DPYD: variants seen among roughly 807,000 people sequenced by gnomAD.
The protein encoded by DPYD is dihydropyrimidine dehydrogenase.
A neutral mutation model predicts 116.2 loss-of-function variants in DPYD; 109 were observed. The ratio of observed to expected loss-of-function variants is 0.94; its 90% CI spans 0.80 to 1.10. The LOEUF (loss-of-function observed/expected upper bound fraction) is 1.10, where lower values mean the gene tolerates loss of function less well. DPYD is among the 50% of genes least tolerant of loss of function. The pLI, the probability that DPYD is intolerant of heterozygous loss-of-function variation, is 0.00. For synonymous variants in DPYD, 440 were observed against 432.0 expected (o/e 1.02, Z -0.23); for missense variants, 1,302 against 1,254.5 (o/e 1.04, Z -0.57).
intron 18 of DPYD, among the ~76,000 whole-genome samples, chr1:97,288,322 T>C (rs962796741): frequency 1.3e-5 from 2 of 150,914 alleles, no homozygotes; most frequent in African/African-American, 2.4e-5. Flanking sequence ...AACTCAGCTC[T>C]GCACCAAGGG....
intron 20 of DPYD, among the ~76,000 whole-genome samples, chr1:97,114,941 GA>G (rs1445156403): frequency 6.6e-6 from 1 of 152,170 alleles, no homozygotes; most frequent in East Asian, 1.9e-4. Flanking sequence ...GATGAACTGT[GA>G]GACTTATCCT....
intron 12 of DPYD, chr1:97,546,350 G>A (rs1650862309): frequency 2.8e-6 from 4 of 1,422,926 alleles, no homozygotes; most frequent in East Asian, 4.6e-5. Context: ...GGAGTTGTTG[G>A]GAATGAAGCT....
At chr1:97,754,759 A>C (rs1452540409) in intron 3 of DPYD, among the ~76,000 whole-genome samples, 1 of 152,216 alleles carries the variant, frequency 6.6e-6, no homozygotes, top group Non-Finnish European at 1.5e-5. Context: ...TCCTCAGATT[A>C]TGTACAGGTG....
intron 13 of DPYD, among the ~76,000 whole-genome samples, chr1:97,505,751 G>A (rs563235716): frequency 8.0e-4 from 122 of 151,938 alleles, no homozygotes; most frequent in African/African-American, 2.8e-3. Context: ...ATCTTGCCCA[G>A]ATACCTAAAA....
chr1:97,759,310 A>G (rs1273216895), intron 3 of DPYD, among the ~76,000 whole-genome samples: 1 of 152,092 alleles, frequency 6.6e-6, no homozygotes, highest in African/African-American at 2.4e-5. Context: ...CTCTTGTCCT[A>G]CTTCCCTTCA....
At chr1:97,778,630 A>G (rs566606033) in intron 3 of DPYD, among the ~76,000 whole-genome samples, 45 of 152,326 alleles carry the variant, frequency 3.0e-4, no homozygotes, top group Admixed American at 4.6e-4. Flanking sequence ...ATCTTAAAAC[A>G]TGTAAACTCA....
At chr1:97,449,543 C>T (rs1464187860) in intron 14 of DPYD, among the ~76,000 whole-genome samples, 1 of 151,710 alleles carries the variant, frequency 6.6e-6, no homozygotes, top group Non-Finnish European at 1.5e-5. Context: ...GATTTTACTG[C>T]AATATTTAGG....
chr1:97,556,914 C>T (rs1651765614), intron 11 of DPYD, among the ~76,000 whole-genome samples: 1 of 150,264 alleles, frequency 6.7e-6, no homozygotes, highest in Non-Finnish European at 1.5e-5. Context: ...AGTTCTAGAT[C>T]CCTGAGGAAT....
intron 2 of DPYD, among the ~76,000 whole-genome samples, chr1:97,846,070 G>A (rs1670286105): frequency 6.6e-6 from 1 of 152,204 alleles, no homozygotes; most frequent in Admixed American, 6.5e-5. Flanking sequence ...CAGACTGGTG[G>A]TGCGAGCCGA....
intron 14 of DPYD, among the ~76,000 whole-genome samples, chr1:97,428,419 T>A (rs7549538): frequency 0.81 from 123,402 of 151,864 alleles, 50,632 homozygotes; most frequent in Middle Eastern, 0.88. Flanking sequence ...AAGAATTTTT[T>A]AAAAATTTAG....
intron 3 of DPYD, among the ~76,000 whole-genome samples, chr1:97,814,662 T>C (rs185484857): frequency 6.6e-6 from 1 of 152,134 alleles, no homozygotes; most frequent in Non-Finnish European, 1.5e-5. Flanking sequence ...GACTTGTGGA[T>C]GAATTGGTTC....
chr1:97,867,803 G>T (rs1671461429), intron 2 of DPYD, among the ~76,000 whole-genome samples: 1 of 151,786 alleles, frequency 6.6e-6, no homozygotes, highest in African/African-American at 2.4e-5. Context: ...TTTCCTCTAA[G>T]ATCAGGAACG....
intron 20 of DPYD, among the ~76,000 whole-genome samples, chr1:97,107,190 T>C (rs1372033413): frequency 6.6e-6 from 1 of 152,116 alleles, no homozygotes; most frequent in African/African-American, 2.4e-5. Context: ...TCCACCTCTT[T>C]GTTGGTCATC....
rs1250713334 is a variant in DPYD at position 97,318,625 on chromosome 1, A to T, written c.2059-12328T>A. ...AAAGAGACTTAGACTCCCACACATT[A>T]ATAATGAGACACTTTAACACCCCAC... On this transcript the variant is annotated intron_variant, in intron 16 of 22. Transcript: ENST00000370192. 2.0e-5 allele frequency among the ~76,000 whole-genome samples: 3 copies of T among 151,926 alleles called. No individual in the cohort carries two copies. In the East Asian group the frequency reaches 5.8e-4, roughly 30 times the overall value.
chr1:97,392,180 A>C (rs1317377741), intron 14 of DPYD, among the ~76,000 whole-genome samples: 1 of 152,026 alleles, frequency 6.6e-6, no homozygotes, highest in African/African-American at 2.4e-5. Context: ...AGCAAGTCAC[A>C]CAAATATTTT....
chr1:97,502,099 C>T (rs1035751918), intron 13 of DPYD, among the ~76,000 whole-genome samples: 3 of 151,920 alleles, frequency 2.0e-5, no homozygotes, highest in South Asian at 2.1e-4. Flanking sequence ...AGAAATATTA[C>T]AGAAGAGGAT....
intron 16 of DPYD, among the ~76,000 whole-genome samples, chr1:97,359,929 T>C (rs1284768064): frequency 6.6e-6 from 1 of 152,146 alleles, no homozygotes; most frequent in Non-Finnish European, 1.5e-5. Flanking sequence ...GCTAACATCA[T>C]AATGACAGGA....
chr1:97,903,436 C>G (rs928646759), intron 1 of DPYD, among the ~76,000 whole-genome samples: 7 of 151,686 alleles, frequency 4.6e-5, no homozygotes, highest in African/African-American at 7.3e-5. Flanking sequence ...ATTTATGGAT[C>G]AGTTCTGTCT....
intron 15 of DPYD, among the ~76,000 whole-genome samples, chr1:97,373,983 T>C (rs1054862585): frequency 3.9e-5 from 6 of 152,224 alleles, no homozygotes; most frequent in African/African-American, 1.4e-4. Context: ...GGAGGTTAAA[T>C]GACAAGCTTA....
Sources: gnomAD v4.1 joint callset for allele counts (sites outside exome capture counted in the v4.1 genomes callset) on GRCh38, gnomAD v4.1.1 for gene constraint, MANE v1.5 for transcripts, NCBI Gene and HGNC (gene_info 2026-07-23, HGNC 2026-07-21) for gene names.